PASK: variants seen among roughly 807,000 people sequenced by gnomAD.
PASK encodes the protein PAS domain-containing serine/threonine-protein kinase.
Under a neutral mutation model 121.0 loss-of-function variants are expected in PASK, and 110 were observed. The observed-to-expected ratio is 0.91, with a 90% CI of 0.78 to 1.06. The LOEUF (loss-of-function observed/expected upper bound fraction) is 1.06, where lower values mean the gene tolerates loss of function less well. Ranked by LOEUF, PASK falls within the 50% of genes least tolerant of loss-of-function variation. The pLI is 0.00. For missense variants in PASK, 1,643 were observed against 1,702.3 expected (o/e 0.97, Z 0.61); for synonymous variants, 686 against 717.8 (o/e 0.96, Z 0.71).
At chr2:241,123,485 G>T (rs1451890025) in intron 11 of PASK, among the ~76,000 whole-genome samples, 2 of 151,938 alleles carry the variant, frequency 1.3e-5, no homozygotes, top group Non-Finnish European at 2.9e-5. Flanking sequence ...ACCTAAAGTG[G>T]CTTCATAGTC....
chr2:241,106,507 A>G lies in PASK; in HGVS notation c.*59T>C. The G allele has an allele frequency of 6.4e-7, 1 of 1,557,440 alleles. No individual in the cohort carries two copies. Among genetic ancestry groups the G allele is most frequent in the Non-Finnish European group, 8.9e-7 (1 of 1,128,346 alleles). On this transcript the variant is annotated 3_prime_UTR_variant, in exon 18 of 18. Transcript: ENST00000234040. ...GAATGTATTTTCTCCAAACAGATGG[A>G]GCCTGAAAACTGTGTGATTTTCCAA...
intron 1 of PASK, among the ~76,000 whole-genome samples, chr2:241,149,045 G>C (rs972900576): frequency 5.9e-5 from 9 of 152,260 alleles, no homozygotes; most frequent in African/African-American, 1.9e-4. Context: ...CGGGATCCGG[G>C]CTGGTTCTCC....
rs1310751640 is a variant in PASK at position 241,127,402 on chromosome 2, G to A, written c.1513C>T (p.Leu505=). The change falls in exon 10 of 18, where the codon CTG becomes TTG. Residue 505 remains leucine (L), a synonymous_variant. Coordinates refer to ENST00000234040, the MANE Select transcript of PASK (RefSeq NM_015148.4). ...GSLPVHGEQA[L]PKDQQITALG... Reference sequence around the variant, plus strand: ...GCAGTGATTTGCTGGTCCTTGGGCAGCGCCTGTTCACCGTGCACTGGCAGG... The same window carrying A: ...GCAGTGATTTGCTGGTCCTTGGGCAACGCCTGTTCACCGTGCACTGGCAGG... 16 of 1,614,112 alleles carry A rather than the reference G, an allele frequency of 9.9e-6. No individual in the cohort carries two copies. Among genetic ancestry groups the A allele is most frequent in the Non-Finnish European group, 1.1e-5 (13 of 1,179,984 alleles).
At chr2:241,110,961 C>G (rs2065087327) in intron 15 of PASK, among the ~76,000 whole-genome samples, 1 of 152,348 alleles carries the variant, frequency 6.6e-6, no homozygotes, top group Non-Finnish European at 1.5e-5. Context: ...ACTCTGCACA[C>G]AGGGCATCCA....
intron 1 of PASK, among the ~76,000 whole-genome samples, chr2:241,148,632 T>C (rs2067095812): frequency 6.6e-6 from 1 of 152,192 alleles, no homozygotes; most frequent in Admixed American, 6.5e-5. Context: ...AAATGAACTT[T>C]TAAGGATTCA....
At chr2:241,149,586 C>A (rs1038422019), upstream of PASK, 6 of 1,466,524 alleles carry the variant, frequency 4.1e-6, no homozygotes, top group South Asian at 7.3e-5. Context: ...GAAGCCCGCG[C>A]TAAGGGTTGC....
chr2:241,108,083 A>G lies in PASK; in HGVS notation c.3667+84T>C. 6 of 1,261,106 alleles carry G rather than the reference A, an allele frequency of 4.8e-6. No individual in the cohort carries two copies. In the South Asian group the frequency reaches 7.1e-5, roughly 15 times the overall value. 78.1% of individuals were successfully genotyped at this position (1,261,106 alleles called of 1,614,324 possible). On this transcript the variant is annotated intron_variant, in intron 16 of 17. Coordinates refer to ENST00000234040, the MANE Select transcript of PASK (RefSeq NM_015148.4). This position sits in a 1 kb window ranked among gnomAD's most constrained non-coding sequence, Gnocchi z 5.2. ...AGACTGTTGATATGGACAGAGATAC[A>G]CTGAGGAATGAGGAAATGGGAAAAA...
intron 7 of PASK, among the ~76,000 whole-genome samples, 157 bp from the exon 8 acceptor site, chr2:241,136,196 C>G (rs2066421632): frequency 6.6e-6 from 1 of 152,256 alleles, no homozygotes; most frequent in Non-Finnish European, 1.5e-5. Flanking sequence ...TTCGACGCAC[C>G]TGAAGCCCCT....
In PASK at chr2:241,114,844, T is replaced by C. The variant is rs1054307149; in HGVS notation, c.3333+199A>G. 2.0e-6 allele frequency: 3 copies of C among 1,486,652 alleles called. No homozygotes were observed. The African/African-American group carries it at 4.2e-5, about 21-fold the overall frequency. 92.1% of individuals were successfully genotyped at this position (1,486,652 alleles called of 1,614,324 possible). A position where few individuals can be genotyped will look rare whatever the true frequency, so the allele number is the denominator to read the frequency against. On this transcript the variant is annotated intron_variant, in intron 14 of 17. Coordinates refer to ENST00000234040, the MANE Select transcript of PASK (RefSeq NM_015148.4). Reference sequence around the variant, plus strand: ...TCCAGGACTGTATCTGGCCTCATCCTTCCTTCCCAACCTCACTTTCTCTAC... The same window carrying C: ...TCCAGGACTGTATCTGGCCTCATCCCTCCTTCCCAACCTCACTTTCTCTAC...
chr2:241,123,774 C>T (rs2065729648), intron 11 of PASK, among the ~76,000 whole-genome samples, 175 bp downstream of exon 11: 1 of 150,858 alleles, frequency 6.6e-6, no homozygotes, highest in African/African-American at 2.4e-5. Flanking sequence ...GCTGAGAAAG[C>T]ACCATTGCAC....
At chr2:241,115,877 C>T (rs1441738672) in intron 12 of PASK, among the ~76,000 whole-genome samples, 5 of 138,760 alleles carry the variant, frequency 3.6e-5, no homozygotes, top group Non-Finnish European at 6.1e-5. Flanking sequence ...CCAAGCATCC[C>T]GTTACGCCAG....
At position 241,123,942 on chromosome 2, in the gene PASK, T is replaced by C. The variant is rs764096059; in HGVS notation, c.2904+7A>G. On this transcript the variant is annotated splice_region_variant and intron_variant, in intron 11 of 17. Coordinates refer to ENST00000234040, the MANE Select transcript of PASK (RefSeq NM_015148.4). ...GTCCAGGGCAGGCATTGATTGCAAA[T>C]ACCCACTTCCACCAGGCTGGGTCCG... 6.2e-7 allele frequency: 1 copy of C among 1,611,598 alleles called. No homozygotes were observed. The highest frequency in any genetic ancestry group is 1.1e-5 in the South Asian group (1 of 90,982).
In PASK at chr2:241,126,179, T is replaced by G. The variant is rs147286655; in HGVS notation, c.2719+17A>C. ...TCTGGGAGCACCACACTTCTTCCTA[T>G]GGGGCCCGGGACATACTCAGCCGTA... is the stretch of plus-strand genomic sequence containing the variant. On this transcript the variant is annotated intron_variant, in intron 10 of 17. Coordinates refer to ENST00000234040, the MANE Select transcript of PASK (RefSeq NM_015148.4). 6.2e-7 allele frequency: 1 copy of G among 1,612,904 alleles called. No individual in the cohort carries two copies. Among genetic ancestry groups the G allele is most frequent in the South Asian group, 1.1e-5 (1 of 91,034 alleles).
chr2:241,140,131 G>C (rs187482671), intron 3 of PASK, 76 bp from the exon 4 acceptor site: 1 of 1,183,654 alleles, frequency 8.4e-7, no homozygotes, highest in Non-Finnish European at 1.2e-6. Flanking sequence ...AGCCCAGGAC[G>C]ACCATGCAGA....
intron 9 of PASK, chr2:241,127,779 C>G (rs547136353): frequency 1.0e-5 from 4 of 387,178 alleles, no homozygotes; most frequent in Admixed American, 7.4e-5. Flanking sequence ...AGCCTAGCCT[C>G]GGCCCCACCT....
In PASK at chr2:241,142,978, T is replaced by A. The variant is rs1222967601; in HGVS notation, c.55A>T (p.Ser19Cys). The change falls in exon 2 of 18, where the codon AGC becomes TGC. Residue 19 changes from serine to cysteine, a missense_variant. Coordinates refer to ENST00000234040, the MANE Select transcript of PASK (RefSeq NM_015148.4). ...FEEDQRCLSQ[S>C]LPLPVSAEGP... is the part of the protein sequence containing the mutation. ...TCTGCTGACACTGGCAAGGGGAGGC[T>A]CTGGGAAAGGCATCTCTGGTCCTCT... The A allele has an allele frequency of 5.6e-6, 9 of 1,613,890 alleles. No individual in the cohort carries two copies. The highest frequency in any genetic ancestry group is 6.8e-6 in the Non-Finnish European group (8 of 1,180,002).
At chr2:241,138,825 G>A in intron 4 of PASK, 31 bp from the exon 5 acceptor site, 1 of 1,612,384 alleles carries the variant, frequency 6.2e-7, no homozygotes, top group Non-Finnish European at 8.5e-7. Flanking sequence ...ACACCTGCAT[G>A]CCATGAACCC....
At chr2:241,115,444 G>C (rs769926807) in intron 12 of PASK, 31 bp from the exon 13 acceptor site, 1 of 1,613,094 alleles carries the variant, frequency 6.2e-7, no homozygotes, top group African/African-American at 1.3e-5. Context: ...AGTGGAAATA[G>C]CTGGAGCCAG....
intron 14 of PASK, chr2:241,114,096 A>G: frequency 1.0e-6 from 1 of 985,352 alleles, no homozygotes; most frequent in Non-Finnish European, 1.2e-6. Flanking sequence ...ATAACCTCAT[A>G]CAGATACTCT....
Sources: allele counts gnomAD v4.1 joint callset (sites outside exome capture counted in the v4.1 genomes callset), GRCh38; gene constraint gnomAD v4.1.1; non-coding constraint Gnocchi (gnomAD v3.1); transcripts MANE v1.5; gene names NCBI Gene and HGNC (gene_info 2026-07-23, HGNC 2026-07-21).